The following TTC7B variants were observed in gnomAD, a reference collection of about 807,000 sequenced individuals.
TTC7B encodes the protein tetratricopeptide repeat protein 7B.
Under a neutral mutation model 106.8 loss-of-function variants are expected in TTC7B, and 28 were observed. The ratio of observed to expected loss-of-function variants is 0.26; its 90% CI spans 0.19 to 0.36. The LOEUF is 0.36. Among genes scored for constraint, TTC7B ranks in the 10% least tolerant of loss-of-function variants. The pLI, the probability that TTC7B is intolerant of heterozygous loss-of-function variation, is 1.00. For missense variants in TTC7B, 862 were observed against 1,076.4 expected (o/e 0.80, Z 2.79); for synonymous variants, 405 against 430.6 (o/e 0.94, Z 0.74).
Position 90,677,882 on chromosome 14 carries a change from T to C in TTC7B, c.1015-1222A>G, listed in dbSNP as rs1050266715. ...AATAAGAATATATAAGACAGGCCAC[T>C]TCCTACAAAGTGAGTCATCTCTTAC... On this transcript the variant is annotated intron_variant, in intron 8 of 19. Transcript: ENST00000328459. 3 of 442,728 alleles carry C rather than the reference T, an allele frequency of 6.8e-6. No homozygotes were observed. In the Admixed American group the frequency reaches 7.8e-5, roughly 11 times the overall value. The allele number at this position is 442,728 out of a possible 1,614,324, so 27.4% of individuals were successfully genotyped here. A position where few individuals can be genotyped will look rare whatever the true frequency, so the allele number is the denominator to read the frequency against.
intron 5 of TTC7B, among the ~76,000 whole-genome samples, chr14:90,708,751 A>G (rs1888315095): frequency 6.6e-6 from 1 of 152,242 alleles, no homozygotes; most frequent in Admixed American, 6.5e-5. Flanking sequence ...ACTGTTTACC[A>G]TAGATAGTGA....
At chr14:90,799,765 G>A (rs2140054669) in intron 1 of TTC7B, among the ~76,000 whole-genome samples, 1 of 152,330 alleles carries the variant, frequency 6.6e-6, no homozygotes, top group South Asian at 2.1e-4. Flanking sequence ...TGGCATTCAT[G>A]TGAAGTGCAA....
chr14:90,613,579 G>A (rs1188644382), intron 16 of TTC7B, among the ~76,000 whole-genome samples: 2 of 152,144 alleles, frequency 1.3e-5, no homozygotes, highest in Non-Finnish European at 1.5e-5. Flanking sequence ...TCCCTAACTT[G>A]CTCACTCTGG....
intron 9 of TTC7B, among the ~76,000 whole-genome samples, chr14:90,664,083 G>A (rs890485680): frequency 2.0e-5 from 3 of 152,088 alleles, no homozygotes; most frequent in South Asian, 4.1e-4. Flanking sequence ...AGGAATGTGG[G>A]TTGTCACTGG....
chr14:90,674,424 C>T (rs12889717), intron 9 of TTC7B, among the ~76,000 whole-genome samples: 4 of 152,080 alleles, frequency 2.6e-5, no homozygotes, highest in African/African-American at 9.7e-5. Flanking sequence ...GGTGAATGCT[C>T]GCTCCAATTG....
At chr14:90,588,763 G>A (rs1395057837) in intron 18 of TTC7B, among the ~76,000 whole-genome samples, 4 of 151,754 alleles carry the variant, frequency 2.6e-5, no homozygotes, top group Non-Finnish European at 5.9e-5. Flanking sequence ...AACATACCTG[G>A]AACTTTTAGG....
intron 7 of TTC7B, among the ~76,000 whole-genome samples, chr14:90,685,436 G>T (rs138213690): frequency 1.2e-4 from 19 of 152,272 alleles, no homozygotes; most frequent in Admixed American, 5.9e-4. Context: ...AAGAAGTAGA[G>T]CTCTGAACCC....
chr14:90,547,863 G>A (rs1234919288), intron 19 of TTC7B, among the ~76,000 whole-genome samples: 1 of 152,132 alleles, frequency 6.6e-6, no homozygotes, highest in Non-Finnish European at 1.5e-5. Flanking sequence ...CCTTTGCTGG[G>A]TTCAAGAGCA....
At chr14:90,682,205 A>C (rs1276363041) in intron 7 of TTC7B, among the ~76,000 whole-genome samples, 1 of 152,170 alleles carries the variant, frequency 6.6e-6, no homozygotes, top group Admixed American at 6.5e-5. Context: ...ATTGTGACTT[A>C]ACAGCAGTCA....
intron 15 of TTC7B, among the ~76,000 whole-genome samples, chr14:90,621,017 A>G (rs1884138042): frequency 6.6e-6 from 1 of 152,196 alleles, no homozygotes; most frequent in Admixed American, 6.5e-5. Context: ...AGAGAAAAGG[A>G]GCCAGGGACA....
chr14:90,661,223 G>A (rs1010281508), intron 9 of TTC7B, among the ~76,000 whole-genome samples: 1 of 152,318 alleles, frequency 6.6e-6, no homozygotes, highest in South Asian at 2.1e-4. Context: ...ACTGCATGCC[G>A]GTTTTGTTAA....
rs375839960 is a variant in TTC7B, at chr14:90,768,484, T to C, written c.445+12254A>G. On this transcript the variant is annotated intron_variant, in intron 3 of 19. Transcript: ENST00000328459. ...CGTACCCATGAACAAATCACCTCCC[T>C]CCCTTGATACATGGGGAATACAGAT... Among the ~76,000 whole-genome samples the C allele has an allele frequency of 2.6e-5, 4 of 152,282 alleles. No homozygotes were observed. The South Asian group carries it at 8.3e-4, about 32-fold the overall frequency.
chr14:90,542,345 T>C (rs1309784500), intron 19 of TTC7B, among the ~76,000 whole-genome samples: 3 of 152,142 alleles, frequency 2.0e-5, no homozygotes, highest in African/African-American at 7.2e-5. Flanking sequence ...ACCAAGGCCC[T>C]GACCTCACTG....
chr14:90,620,442 TC>T (rs1893261951), intron 15 of TTC7B, among the ~76,000 whole-genome samples: 1 of 152,084 alleles, frequency 6.6e-6, no homozygotes. Context: ...TCCACCAGAA[TC>T]TCTCACCAAA....
chr14:90,813,935 C>G (rs888963603), intron 1 of TTC7B, among the ~76,000 whole-genome samples: 3 of 152,220 alleles, frequency 2.0e-5, no homozygotes, highest in African/African-American at 7.2e-5. Context: ...TTGCAAACAC[C>G]AAAGGAGAGC....
intron 17 of TTC7B, among the ~76,000 whole-genome samples, chr14:90,605,267 G>A (rs1892593034): frequency 6.6e-6 from 1 of 151,934 alleles, no homozygotes; most frequent in South Asian, 2.1e-4. Context: ...GTCGTAATTT[G>A]CCTTTTAATA....
intron 18 of TTC7B, among the ~76,000 whole-genome samples, chr14:90,592,149 CAG>C (rs1422142597): frequency 2.0e-5 from 3 of 152,158 alleles, no homozygotes. Flanking sequence ...TGGTGTCAAA[CAG>C]GGTGGAATAT....
chr14:90,546,709 A>G (rs905417817), intron 19 of TTC7B, among the ~76,000 whole-genome samples: 16 of 152,196 alleles, frequency 1.1e-4, no homozygotes, highest in African/African-American at 3.9e-4. Context: ...ATTACCATAT[A>G]TTACCATATA....
At chr14:90,709,262 A>G (rs1362990805) in intron 5 of TTC7B, among the ~76,000 whole-genome samples, 1 of 150,718 alleles carries the variant, frequency 6.6e-6, no homozygotes, top group Non-Finnish European at 1.5e-5. Flanking sequence ...CACTATTCAC[A>G]ATAGCAAAGA....
Sources: gnomAD v4.1 joint callset for allele counts (sites outside exome capture counted in the v4.1 genomes callset) on GRCh38, gnomAD v4.1.1 for gene constraint, MANE v1.5 for transcripts, NCBI Gene and HGNC (gene_info 2026-07-23, HGNC 2026-07-21) for gene names.